The following CR1 variants were observed in gnomAD, a reference collection of about 807,000 sequenced individuals.
CR1 encodes complement C3b/C4b receptor 1 (Knops blood group), also known as complement receptor type 1.
CR1 carries 116 observed loss-of-function variants against 187.3 expected under a neutral mutation model. The observed-to-expected ratio is 0.62, with a 90% CI of 0.53 to 0.72. CR1 has a LOEUF of 0.72. CR1 is among the 30% of genes least tolerant of loss of function. The pLI is 0.00. For synonymous variants in CR1, 576 were observed against 747.1 expected, an observed-to-expected ratio of 0.77 and a Z score of 3.73; for missense variants, 1,731 against 2,110.7, an observed-to-expected ratio of 0.82 and a Z score of 3.52.
Position 207,639,607 on chromosome 1 carries a change from A to T in CR1, c.*198A>T. On this transcript the variant is annotated 3_prime_UTR_variant, in exon 47 of 47. Transcript: ENST00000367049. ...TGCCTCTTTGTGTGCGTCACTGTGA[A>T]ACCCCCACCCTTCTGCCTCGTGCTA... 1.8e-6 allele frequency: 1 copy of T among 564,696 alleles called. No homozygotes were observed. Among genetic ancestry groups the T allele is most frequent in the Non-Finnish European group, 3.2e-6 (1 of 316,664 alleles). 35.0% of individuals were successfully genotyped at this position (564,696 alleles called of 1,614,324 possible).
chr1:207,616,709 A>T lies in CR1; in HGVS notation c.6796A>T (p.Ile2266Phe), dbSNP rs1321472936. Residue 2266 changes from isoleucine to phenylalanine, a missense_variant, in exon 41 of 47, where the codon ATT becomes TTT. Physicochemically the swap from Ile to Phe is conservative, Grantham distance 21. Transcript: ENST00000367049. ...AGACAGAGGGATGACCTTCAACCTC[A>T]TTGGGGAGAGCTCCATCCGCTGCAC... ...HPDRGMTFNLIGESSIRCTSD... is the reference protein window; with the variant it reads ...HPDRGMTFNLFGESSIRCTSD... 1.2e-6 allele frequency: 2 copies of T among 1,613,920 alleles called. No homozygotes were observed. The highest frequency in any genetic ancestry group is 2.2e-5 in the East Asian group (1 of 44,872).
intron 35 of CR1, among the ~76,000 whole-genome samples, chr1:207,603,936 T>C (rs910060973): frequency 9.2e-5 from 14 of 152,204 alleles, no homozygotes; most frequent in Non-Finnish European, 1.9e-4. Context: ...AGACAAGATT[T>C]GCAGATTTGA....
intron 35 of CR1, among the ~76,000 whole-genome samples, chr1:207,602,964 T>G (rs1432927866): frequency 6.6e-6 from 1 of 152,062 alleles, no homozygotes; most frequent in Non-Finnish European, 1.5e-5. Context: ...AAGCAGAAGA[T>G]TTAAAAGAGG....
intron 1 of CR1, among the ~76,000 whole-genome samples, chr1:207,503,873 T>C (rs548745052): frequency 2.6e-5 from 4 of 152,344 alleles, no homozygotes; most frequent in Admixed American, 6.5e-5. Flanking sequence ...TAGTAGCAAG[T>C]GCTTCCTTTA....
chr1:207,520,758 C>A (rs1659951214), intron 4 of CR1, among the ~76,000 whole-genome samples: 1 of 152,130 alleles, frequency 6.6e-6, no homozygotes, highest in Non-Finnish European at 1.5e-5. Context: ...GAAAAAGTCT[C>A]TTTGGCATTT....
At chr1:207,601,729 A>G (rs1175136435) in intron 35 of CR1, among the ~76,000 whole-genome samples, 2 of 152,114 alleles carry the variant, frequency 1.3e-5, no homozygotes, top group Non-Finnish European at 2.9e-5. Flanking sequence ...AAAAATGTCT[A>G]TTCTCATCCT....
rs1167357538 is a variant in CR1 at position 207,617,507 on chromosome 1, A to ATGTGTGTGTGTG, written c.6890-544_6890-533dup. Reference sequence around the variant, plus strand: ...AGTATATATATATATATATATATATATGTGTGTGTGTGTGTGTGTGTGTGT... The same window carrying ATGTGTGTGTGTG: ...AGTATATATATATATATATATATATATGTGTGTGTGTGTGTGTGTGTGTGTGTGTGTGTGTGT... On this transcript the variant is annotated intron_variant, in intron 41 of 46. Transcript: ENST00000367049. Among the ~76,000 whole-genome samples, 59 of 47,024 alleles carry ATGTGTGTGTGTG rather than the reference A, an allele frequency of 1.3e-3. 3 individuals carry two copies. Among genetic ancestry groups the ATGTGTGTGTGTG allele is most frequent in the African/African-American group, 3.4e-3 (53 of 15,786 alleles). The allele number at this position is 47,024 out of a possible 152,430, so 30.8% of individuals were successfully genotyped here.
rs368801590 is a variant in CR1 at position 207,565,981 on chromosome 1, G to A, written c.3952+58G>A. On this transcript the variant is annotated intron_variant, in intron 24 of 46. Coordinates refer to ENST00000367049, the MANE Select transcript of CR1 (RefSeq NM_000651.6). ...TCTCCCCTTCATCTGTTCACTATTT[G>A]TCCTATGGCCTCCCTCAATGTGATT... is the stretch of plus-strand genomic sequence containing the variant. The A allele has an allele frequency of 7.7e-5, 123 of 1,596,356 alleles. 12 individuals carry two copies. In the African/African-American group the frequency reaches 1.7e-3, roughly 22 times the overall value.
intron 23 of CR1, 104 bp from the exon 24 acceptor site, chr1:207,565,734 C>T (rs776451225): frequency 4.0e-5 from 60 of 1,485,372 alleles, no homozygotes; most frequent in Non-Finnish European, 5.4e-5. Flanking sequence ...CATCTGCTGG[C>T]CTCAGATCCT....
chr1:207,509,840 A>G (rs1659559874), intron 3 of CR1, among the ~76,000 whole-genome samples: 1 of 152,236 alleles, frequency 6.6e-6, no homozygotes, highest in African/African-American at 2.4e-5. Context: ...ATTTGTTCAC[A>G]TACTTCATAC....
chr1:207,515,963 C>T (rs998848571), intron 4 of CR1, among the ~76,000 whole-genome samples: 6 of 151,986 alleles, frequency 3.9e-5, no homozygotes, highest in Middle Eastern at 3.2e-3. Flanking sequence ...GTCTATAATC[C>T]CAGCATTTTG....
At chr1:207,511,475 A>G (rs1433966185) in intron 3 of CR1, 94 bp from the exon 4 acceptor site, 2 of 1,286,626 alleles carry the variant, frequency 1.6e-6, no homozygotes, top group Non-Finnish European at 1.1e-6. Context: ...AGTCCCTCTG[A>G]ATCCTATAAG....
At chr1:207,498,372 G>A (rs1419412018) in intron 1 of CR1, among the ~76,000 whole-genome samples, 1 of 152,050 alleles carries the variant, frequency 6.6e-6, no homozygotes, top group Non-Finnish European at 1.5e-5. Context: ...GATTGCATAC[G>A]ACAAAAAATA....
At chr1:207,518,069 A>C (rs1215156844) in intron 4 of CR1, among the ~76,000 whole-genome samples, 1 of 151,894 alleles carries the variant, frequency 6.6e-6, no homozygotes, top group Non-Finnish European at 1.5e-5. Context: ...TCCAACCTTT[A>C]TTTTTCTAAT....
At chr1:207,587,190 T>C (rs147199004) in intron 33 of CR1, among the ~76,000 whole-genome samples, 196 bp from the exon 34 acceptor site, 3 of 152,264 alleles carry the variant, frequency 2.0e-5, no homozygotes, top group Non-Finnish European at 4.4e-5. Context: ...GTCTTCCAAA[T>C]AGTAAAAAAA....
rs899385543 is a variant in CR1 at position 207,580,351 on chromosome 1, G to C, written c.5048G>C (p.Arg1683Thr). 1.9e-6 allele frequency: 3 copies of C among 1,613,874 alleles called. No homozygotes were observed. In the African/African-American group the frequency reaches 4.0e-5, roughly 22 times the overall value. ...AGCTGTGAGCCTGGCTATGACCTCA[G>C]AGGGGCTGCGTCTCTGCACTGCACA... ...FYSCEPGYDL[R>T]GAASLHCTPQ... is the part of the protein sequence containing the mutation. The change falls in exon 30 of 47, where the codon AGA becomes ACA. Residue 1683 changes from arginine (R) to threonine (T), a missense_variant. Arg to Thr is a moderately conservative substitution (Grantham distance 71). Transcript: ENST00000367049.
rs749876194 is a variant in CR1, at chr1:207,616,775, C to T, written c.6862C>T (p.Pro2288Ser). ...QGNGVWSSPA[P>S]RCELSVPAAC... ...GAATGGGGTTTGGAGCAGCCCTGCC[C>T]CTCGCTGTGAACTTTCTGTTCCTGC... Residue 2288 changes from proline (P) to serine (S), a missense_variant, in exon 41 of 47, where the codon CCT (proline) becomes TCT (serine). By Grantham distance (74) the Pro-to-Ser change is moderately conservative (BLOSUM62 -1). This residue lies in a region of CR1 where 1,312 missense variants were observed against 1,379.6 expected (regional missense o/e 0.95). Coordinates refer to ENST00000367049, the MANE Select transcript of CR1 (RefSeq NM_000651.6). The T allele has an allele frequency of 4.3e-6, 7 of 1,613,964 alleles. No individual in the cohort carries two copies. The South Asian group carries it at 7.7e-5, about 18-fold the overall frequency.
At position 207,581,207 on chromosome 1, in the gene CR1, C is replaced by T. The variant is rs190330446; in HGVS notation, c.5216+594C>T. On this transcript the variant is annotated intron_variant, in intron 31 of 46. Transcript: ENST00000367049. ...GTATACATGGACACGTATATGTAGA[C>T]GTATACATATGGACACGTATATGTA... Among the ~76,000 whole-genome samples the T allele has an allele frequency of 2.3e-3, 322 of 141,188 alleles. 3 individuals are homozygous for T. The highest frequency in any genetic ancestry group is 8.0e-3 in the African/African-American group (306 of 38,306). The allele number at this position is 141,188 out of a possible 152,430, so 92.6% of individuals were successfully genotyped here. A position where few individuals can be genotyped will look rare whatever the true frequency, so the allele number is the denominator to read the frequency against.
intron 35 of CR1, chr1:207,605,840 A>G (rs1234741360): frequency 1.3e-5 from 2 of 152,222 alleles, no homozygotes; most frequent in Non-Finnish European, 2.9e-5. Flanking sequence ...GCTAGCAATA[A>G]GTAAAATTCA....
Sources: gnomAD v4.1 joint callset for allele counts (sites outside exome capture counted in the v4.1 genomes callset) on GRCh38, gnomAD v4.1.1 for gene constraint, gnomAD v4.1.1 regional missense constraint, MANE v1.5 for transcripts, NCBI Gene and HGNC (gene_info 2026-07-23, HGNC 2026-07-21) for gene names.